Variants in EPHA6 observed in about 807,000 individuals in gnomAD.
EPHA6 encodes the protein ephrin type-A receptor 6.
In EPHA6, 50 loss-of-function variants were observed where a neutral mutation model predicts 112.0. That is an observed-to-expected ratio of 0.45 (90% CI 0.36 to 0.56). The LOEUF is 0.56. EPHA6 is among the 20% of genes least tolerant of loss of function. The pLI is 0.00. For missense variants in EPHA6, 1,280 were observed against 1,417.4 expected (o/e 0.90, Z 1.56); for synonymous variants, 529 against 490.7 (o/e 1.08, Z -1.03).
chr3:97,517,376 A>T (rs1029948004), intron 10 of EPHA6, among the ~76,000 whole-genome samples: 2 of 152,106 alleles, frequency 1.3e-5, no homozygotes, highest in Middle Eastern at 3.2e-3. Flanking sequence ...GGGACCAAAG[A>T]AGCAGGGGTT....
chr3:96,898,232 T>A (rs2038388954), intron 2 of EPHA6, among the ~76,000 whole-genome samples: 2 of 152,304 alleles, frequency 1.3e-5, no homozygotes, highest in South Asian at 4.1e-4. Flanking sequence ...TCCAAACTAT[T>A]TGAAAAATAT....
chr3:97,482,280 C>G (rs1485102626), intron 9 of EPHA6, among the ~76,000 whole-genome samples: 1 of 152,138 alleles, frequency 6.6e-6, no homozygotes, highest in African/African-American at 2.4e-5. Context: ...ATCAACATGA[C>G]CACAGATCTG....
At position 97,475,267 on chromosome 3, in the gene EPHA6, A is replaced by G. The variant is rs112838579; in HGVS notation, c.1895-85A>G. 4,598 of 977,756 alleles carry G rather than the reference A, an allele frequency of 4.7e-3. 151 individuals are homozygous for G. The African/African-American group carries it at 0.067, about 14-fold the overall frequency. 60.6% of individuals were successfully genotyped at this position (977,756 alleles called of 1,614,324 possible). ...TACTGAGCTTGGCATCCGTTATTGT[A>G]TTTTCTAGTGTAAACTAAATTGTAA... On this transcript the variant is annotated intron_variant, in intron 7 of 17. Transcript: ENST00000389672.
In EPHA6 at chr3:97,448,731, G is replaced by T; in HGVS notation, c.1894+1G>T. 1 of 1,613,034 alleles carries T rather than the reference G, an allele frequency of 6.2e-7. No individual in the cohort carries two copies. Among genetic ancestry groups the T allele is most frequent in the Non-Finnish European group, 8.5e-7 (1 of 1,179,208 alleles). Reference sequence around the variant, plus strand: ...TTTGAATTTGAAACAGGAGATGAAAGTAAGTTTCACACAAGGATATAACAT... The same window carrying T: ...TTTGAATTTGAAACAGGAGATGAAATTAAGTTTCACACAAGGATATAACAT... On this transcript the variant is annotated splice_donor_variant, in intron 7 of 17. Coordinates refer to ENST00000389672, the MANE Select transcript of EPHA6 (RefSeq NM_001080448.3). LOFTEE classifies it high-confidence loss of function.
chr3:97,068,178 A>AT lies in EPHA6; in HGVS notation c.1114+80185_1114+80186insT, dbSNP rs1313998474. Among the ~76,000 whole-genome samples, 7 of 151,656 alleles carry AT rather than the reference A, an allele frequency of 4.6e-5. No individual in the cohort carries two copies. The East Asian group carries it at 1.4e-3, about 29-fold the overall frequency. On this transcript the variant is annotated intron_variant, in intron 3 of 17. Transcript: ENST00000389672. ...TCAAAAAAAAAAGAAAAAAAAAAAA[A>AT]AAAGAGTCAGGGATAAAGAATCATT...
chr3:96,857,704 A>G (rs1371253354), intron 1 of EPHA6, among the ~76,000 whole-genome samples: 2 of 151,032 alleles, frequency 1.3e-5, no homozygotes, highest in African/African-American at 4.8e-5. Context: ...ATTATAGACT[A>G]CTCTGTTCTA....
chr3:96,981,064 C>G (rs1411204764), intron 2 of EPHA6, among the ~76,000 whole-genome samples: 1 of 152,158 alleles, frequency 6.6e-6, no homozygotes, highest in African/African-American at 2.4e-5. Context: ...CCTAATTGCC[C>G]TGGCCAGAAC....
At chr3:96,831,403 A>G (rs1457185770) in intron 1 of EPHA6, among the ~76,000 whole-genome samples, 3 of 152,026 alleles carry the variant, frequency 2.0e-5, no homozygotes, top group Non-Finnish European at 2.9e-5. Context: ...ATTCGCATCT[A>G]TTACAGCACC....
At chr3:97,084,556 A>G (rs1027470932) in intron 3 of EPHA6, among the ~76,000 whole-genome samples, 1 of 152,116 alleles carries the variant, frequency 6.6e-6, no homozygotes, top group African/African-American at 2.4e-5. Flanking sequence ...TCATTGTTTC[A>G]GGATACAAAA....
At chr3:96,921,380 T>G (rs1374963587) in intron 2 of EPHA6, among the ~76,000 whole-genome samples, 1 of 152,128 alleles carries the variant, frequency 6.6e-6, no homozygotes, top group Non-Finnish European at 1.5e-5. Context: ...TCCAGAAAAC[T>G]TAAACATAAA....
At chr3:97,309,939 TATA>T (rs2081479038) in intron 5 of EPHA6, among the ~76,000 whole-genome samples, 2 of 151,900 alleles carry the variant, frequency 1.3e-5, no homozygotes, top group African/African-American at 4.8e-5. Flanking sequence ...TGAATTACTT[TATA>T]ATAACTTTGA....
chr3:97,534,961 C>T (rs748910258), intron 11 of EPHA6, among the ~76,000 whole-genome samples: 10 of 151,830 alleles, frequency 6.6e-5, no homozygotes, highest in Admixed American at 3.9e-4. Context: ...GTTTAAAAAG[C>T]GTCATATCTT....
intron 3 of EPHA6, among the ~76,000 whole-genome samples, chr3:97,052,233 A>G (rs1372049683): frequency 6.6e-6 from 1 of 152,042 alleles, no homozygotes; most frequent in Non-Finnish European, 1.5e-5. Context: ...TGCCTGCCTC[A>G]TATGATTGAA....
At chr3:97,135,512 T>G (rs772872838) in intron 3 of EPHA6, among the ~76,000 whole-genome samples, 3 of 152,164 alleles carry the variant, frequency 2.0e-5, no homozygotes, top group Non-Finnish European at 2.9e-5. Flanking sequence ...TACCTCAATT[T>G]TTATTCAGAC....
In EPHA6 at chr3:97,621,103, A is replaced by G. The variant is rs534949111; in HGVS notation, c.2574+10249A>G. Among the ~76,000 whole-genome samples, 6 of 152,076 alleles carry G rather than the reference A, an allele frequency of 3.9e-5. No individual in the cohort carries two copies. The East Asian group carries it at 7.7e-4, about 20-fold the overall frequency. On this transcript the variant is annotated intron_variant, in intron 13 of 17. Transcript: ENST00000389672. ...CAGTCGTGAAAAATAATGAGATCAC[A>G]TCCTTTGCAGGCACAAGGATGGAAC...
intron 3 of EPHA6, among the ~76,000 whole-genome samples, chr3:97,074,083 G>A (rs1201922730): frequency 6.6e-6 from 1 of 151,656 alleles, no homozygotes; most frequent in African/African-American, 2.4e-5. Context: ...TTTAAAGTTG[G>A]ATCCCCTTTC....
intron 12 of EPHA6, among the ~76,000 whole-genome samples, chr3:97,607,921 A>C (rs2093691650): frequency 6.6e-6 from 1 of 151,198 alleles, no homozygotes; most frequent in Non-Finnish European, 1.5e-5. Context: ...CACCTAAAAC[A>C]GATTTAAAGA....
intron 3 of EPHA6, among the ~76,000 whole-genome samples, chr3:97,102,084 G>T (rs2108262461): frequency 6.6e-6 from 1 of 152,064 alleles, no homozygotes; most frequent in Non-Finnish European, 1.5e-5. Context: ...CTTTTCTCTG[G>T]ACTTCTTGGT....
At chr3:97,218,805 G>A (rs1223234005) in intron 3 of EPHA6, among the ~76,000 whole-genome samples, 1 of 152,062 alleles carries the variant, frequency 6.6e-6, no homozygotes, top group Non-Finnish European at 1.5e-5. Context: ...AAAATTCCAA[G>A]TCCAAAGTCT....
Sources: allele counts gnomAD v4.1 joint callset (sites outside exome capture counted in the v4.1 genomes callset), GRCh38; gene constraint gnomAD v4.1.1; transcripts MANE v1.5; gene names NCBI Gene and HGNC (gene_info 2026-07-23, HGNC 2026-07-21).